LRATD1: variants seen among roughly 807,000 people sequenced by gnomAD.
The protein encoded by LRATD1 is protein LRATD1.
In LRATD1, 8 loss-of-function variants were observed where a neutral mutation model predicts 21.3. That is an observed-to-expected ratio of 0.38 (90% confidence interval 0.22 to 0.68). The LOEUF (loss-of-function observed/expected upper bound fraction) is 0.68, where lower values mean the gene tolerates loss of function less well. Ranked by LOEUF, LRATD1 falls within the 30% of genes least tolerant of loss-of-function variation. LRATD1 has a pLI of 0.54. For missense variants in LRATD1, 380 were observed against 404.0 expected, an observed-to-expected ratio of 0.94 and a Z score of 0.51; for synonymous variants, 210 against 186.2, an observed-to-expected ratio of 1.13 and a Z score of -1.04.
In LRATD1 at chr2:14,634,535, C is replaced by T. The variant is rs1190013834; in HGVS notation, c.556C>T (p.Pro186Ser). The stretch of plus-strand genomic sequence containing the variant: ...GGTGAATAGCTGGTACCGCTACCGC[C>T]CGCTGGTGGCCGAGCTGGTGGTGCA... ...RVVNSWYRYRPLVAELVVQNA... is the reference protein window; with the variant it reads ...RVVNSWYRYRSLVAELVVQNA... The change falls in exon 2 of 2, where the codon CCG becomes TCG. Residue 186 changes from proline to serine, a missense_variant. Transcript: ENST00000295092. The T allele has an allele frequency of 6.7e-6, 10 of 1,495,364 alleles. No homozygotes were observed. Among genetic ancestry groups the T allele is most frequent in the Non-Finnish European group, 8.9e-6 (10 of 1,122,824 alleles). 92.6% of individuals were successfully genotyped at this position (1,495,364 alleles called of 1,614,324 possible). A position where few individuals can be genotyped will look rare whatever the true frequency, so the allele number is the denominator to read the frequency against.
chr2:14,644,423 C>T (rs896203366), downstream of LRATD1, among the ~76,000 whole-genome samples: 3 of 152,156 alleles, frequency 2.0e-5, no homozygotes, highest in South Asian at 6.2e-4. Context: ...ATATAATAGA[C>T]TATCTTCTGT....
Position 14,636,286 on chromosome 2 carries a change from G to A in LRATD1, c.*1428G>A, listed in dbSNP as rs1671687284. 6.0e-6 allele frequency: 1 copy of A among 167,080 alleles called. No homozygotes were observed. Among genetic ancestry groups the A allele is most frequent in the African/African-American group, 2.4e-5 (1 of 41,442 alleles). 10.3% of individuals were successfully genotyped at this position (167,080 alleles called of 1,614,324 possible). A position where few individuals can be genotyped will look rare whatever the true frequency, so the allele number is the denominator to read the frequency against. On this transcript the variant is annotated 3_prime_UTR_variant, in exon 2 of 2. Transcript: ENST00000295092. ...TTCACTGCTTTGGTGGAAATTGGTG[G>A]AAATTGCTAGCAGGTTCCACGATGT...
downstream of LRATD1, among the ~76,000 whole-genome samples, chr2:14,644,790 C>T (rs1671867741): frequency 6.6e-6 from 1 of 152,040 alleles, no homozygotes; most frequent in Admixed American, 6.6e-5. Flanking sequence ...AAGACAGGTT[C>T]ATAGGCCAGT....
rs1225876823 is a variant in LRATD1 at position 14,637,856 on chromosome 2, G to A, written c.*2998G>A. 6.0e-6 allele frequency: 1 copy of A among 167,000 alleles called. No individual in the cohort carries two copies. The highest frequency in any genetic ancestry group is 1.5e-5 in the Non-Finnish European group (1 of 68,102). 10.3% of individuals were successfully genotyped at this position (167,000 alleles called of 1,614,324 possible). On this transcript the variant is annotated 3_prime_UTR_variant, in exon 2 of 2. Transcript: ENST00000295092. Reference sequence around the variant, plus strand: ...TTTACCAGAGTTACAGCAATTACCTGAAAAGTTTCCTAACATTTTAATAAT... The same window carrying A: ...TTTACCAGAGTTACAGCAATTACCTAAAAAGTTTCCTAACATTTTAATAAT...
chr2:14,648,145 C>A (rs775758328), intron 4 of LRATD1, among the ~76,000 whole-genome samples: 1 of 152,114 alleles, frequency 6.6e-6, no homozygotes, highest in Non-Finnish European at 1.5e-5. Flanking sequence ...TTTACTCAGA[C>A]TTTTAAAAGT....
At position 14,639,005 on chromosome 2, in the gene LRATD1, C is replaced by T. The variant is rs1401312086; in HGVS notation, c.*4147C>T. The T allele has an allele frequency of 6.0e-6, 1 of 166,502 alleles. No individual in the cohort carries two copies. 10.3% of individuals were successfully genotyped at this position (166,502 alleles called of 1,614,324 possible). A position where few individuals can be genotyped will look rare whatever the true frequency, so the allele number is the denominator to read the frequency against. Reference sequence around the variant, plus strand: ...ATACATACACACATATGTACATTTACACATATGTAAGTATACACTCATATA... The same window carrying T: ...ATACATACACACATATGTACATTTATACATATGTAAGTATACACTCATATA... On this transcript the variant is annotated 3_prime_UTR_variant, in exon 2 of 2. Transcript: ENST00000295092.
chr2:14,642,172 T>C (rs1671818166), downstream of LRATD1: 4 of 152,776 alleles, frequency 2.6e-5, no homozygotes, highest in South Asian at 8.3e-4. Context: ...GAGATTCTCC[T>C]TAAGAATCAT....
rs1671688279 is a variant in LRATD1 at position 14,636,328 on chromosome 2, G to A, written c.*1470G>A. 1 of 167,048 alleles carries A rather than the reference G, an allele frequency of 6.0e-6. No homozygotes were observed. The highest frequency in any genetic ancestry group is 6.5e-5 in the Admixed American group (1 of 15,278). The allele number at this position is 167,048 out of a possible 1,614,324, so 10.3% of individuals were successfully genotyped here. On this transcript the variant is annotated 3_prime_UTR_variant, in exon 2 of 2. Coordinates refer to ENST00000295092, the MANE Select transcript of LRATD1 (RefSeq NM_145175.4). Reference sequence around the variant, plus strand: ...CCACGATGTTTATTTTTTTCTCCATGTTGTATATCATTACCATTTCACATA... The same window carrying A: ...CCACGATGTTTATTTTTTTCTCCATATTGTATATCATTACCATTTCACATA...
chr2:14,633,014 G>A lies in LRATD1; in HGVS notation c.-37+77G>A, dbSNP rs1054664087. 2 of 152,386 alleles carry A rather than the reference G, an allele frequency of 1.3e-5. No individual in the cohort carries two copies. Among genetic ancestry groups the A allele is most frequent in the Admixed American group, 1.3e-4 (2 of 15,276 alleles). 9.4% of individuals were successfully genotyped at this position (152,386 alleles called of 1,614,324 possible). ...TGTTTGGATCCTGTGCTGGGTAGGA[G>A]GGAGAGGGGTCTTTGGGCTAAAAGT... On this transcript the variant is annotated intron_variant, in intron 1 of 1. Transcript: ENST00000295092. This position sits in a 1 kb window ranked among gnomAD's most constrained non-coding sequence, Gnocchi z 7.5.
chr2:14,634,673 G>A lies in LRATD1; in HGVS notation c.694G>A (p.Val232Met), dbSNP rs1275249934. The A allele has an allele frequency of 1.1e-5, 17 of 1,552,280 alleles. No individual in the cohort carries two copies. The Admixed American group carries it at 2.5e-4, about 23-fold the overall frequency. The change falls in exon 2 of 2, where the codon GTG (valine) becomes ATG (methionine). Residue 232 changes from valine (V) to methionine (M), a missense_variant. Val to Met is a conservative substitution (Grantham distance 21). Transcript: ENST00000295092. ...GCGGGAGTTCAAGGCGGGAGGGGAG[G>A]TGCCGGCAGGCACGCAGCCCCCGCA... ...GKREFKAGGE[V>M]PAGTQPPQQQ...
chr2:14,633,958 C>A lies in LRATD1; in HGVS notation c.-22C>A, dbSNP rs779640405. The A allele has an allele frequency of 5.0e-6, 8 of 1,599,670 alleles. No homozygotes were observed. The South Asian group carries it at 8.9e-5, about 18-fold the overall frequency. On this transcript the variant is annotated 5_prime_UTR_variant, in exon 2 of 2. Transcript: ENST00000295092. The surrounding 1 kb of genome is among the most constrained non-coding windows in gnomAD (Gnocchi z 7.5). Reference sequence around the variant, plus strand: ...TGCCTCCGCAGATCCCCGCTCCTGGCCCTCGCCTCGCCACCTCATTGATGG... The same window carrying A: ...TGCCTCCGCAGATCCCCGCTCCTGGACCTCGCCTCGCCACCTCATTGATGG...
chr2:14,635,189 T>A lies in LRATD1; in HGVS notation c.*331T>A, dbSNP rs1184475634. The A allele has an allele frequency of 5.2e-6, 3 of 582,168 alleles. No individual in the cohort carries two copies. Among genetic ancestry groups the A allele is most frequent in the Non-Finnish European group, 1.0e-5 (3 of 298,628 alleles). 36.1% of individuals were successfully genotyped at this position (582,168 alleles called of 1,614,324 possible). A position where few individuals can be genotyped will look rare whatever the true frequency, so the allele number is the denominator to read the frequency against. Reference sequence around the variant, plus strand: ...GGCTGAGGGGAGAAAGGACATGGCCTTCCCCGCGAGTCCATGGCCAGTGAC... The same window carrying A: ...GGCTGAGGGGAGAAAGGACATGGCCATCCCCGCGAGTCCATGGCCAGTGAC... On this transcript the variant is annotated 3_prime_UTR_variant, in exon 2 of 2. Transcript: ENST00000295092.
rs1429862476 is a variant in LRATD1, at chr2:14,634,194, A to G, written c.215A>G (p.His72Arg). Reference sequence around the variant, plus strand: ...TGCCCGGAGAGCCCCAGCCGCCACCACCACCACCTGCTGCACCAGCTGGTC... The same window carrying G: ...TGCCCGGAGAGCCCCAGCCGCCACCGCCACCACCTGCTGCACCAGCTGGTC... ...TPCPESPSRH[H>R]HHLLHQLVLN... The change falls in exon 2 of 2, where the codon CAC (histidine) becomes CGC (arginine). Residue 72 changes from histidine to arginine, a missense_variant. Transcript: ENST00000295092. 1 of 1,612,954 alleles carries G rather than the reference A, an allele frequency of 6.2e-7. No homozygotes were observed. The highest frequency in any genetic ancestry group is 2.2e-5 in the East Asian group (1 of 44,840).
downstream of LRATD1, among the ~76,000 whole-genome samples, chr2:14,642,721 TTTGA>T (rs1671827777): frequency 6.6e-6 from 1 of 152,158 alleles, no homozygotes; most frequent in African/African-American, 2.4e-5. Flanking sequence ...AACAGCCTCC[TTTGA>T]TTGACGGTTG....
rs1671754682 is a variant in LRATD1 at position 14,639,098 on chromosome 2, T to G, written c.*4240T>G. 1 of 137,222 alleles carries G rather than the reference T, an allele frequency of 7.3e-6. No homozygotes were observed. Among genetic ancestry groups the G allele is most frequent in the Non-Finnish European group, 1.6e-5 (1 of 61,900 alleles). 8.5% of individuals were successfully genotyped at this position (137,222 alleles called of 1,614,324 possible). A position where few individuals can be genotyped will look rare whatever the true frequency, so the allele number is the denominator to read the frequency against. ...TGCCTATAGCTAGCAATTATTTCATTCAGATACACACACACACACACACAC... is the reference window on the plus strand; with the variant it reads ...TGCCTATAGCTAGCAATTATTTCATGCAGATACACACACACACACACACAC... On this transcript the variant is annotated 3_prime_UTR_variant, in exon 2 of 2. Transcript: ENST00000295092.
chr2:14,641,476 C>A (rs189033305), downstream of LRATD1, among the ~76,000 whole-genome samples: 389 of 152,182 alleles, frequency 2.6e-3, 3 homozygotes, highest in Admixed American at 3.6e-3. Flanking sequence ...TGTTTTTTAT[C>A]CCACCTATTT....
rs1671666012 is a variant in LRATD1 at position 14,635,426 on chromosome 2, C to A, written c.*568C>A. 2.1e-6 allele frequency: 1 copy of A among 471,396 alleles called. No individual in the cohort carries two copies. 29.2% of individuals were successfully genotyped at this position (471,396 alleles called of 1,614,324 possible). A position where few individuals can be genotyped will look rare whatever the true frequency, so the allele number is the denominator to read the frequency against. On this transcript the variant is annotated 3_prime_UTR_variant, in exon 2 of 2. Coordinates refer to ENST00000295092, the MANE Select transcript of LRATD1 (RefSeq NM_145175.4). The stretch of plus-strand genomic sequence containing the variant: ...TCCCCAAGACAGCACTTCGGGATTC[C>A]GGGTTATCCTGAGGCTGCCCGGGAC...
intron 4 of LRATD1, among the ~76,000 whole-genome samples, chr2:14,646,844 A>T (rs1206107079): frequency 2.6e-5 from 4 of 152,226 alleles, no homozygotes; most frequent in African/African-American, 9.6e-5. Context: ...ACCCATGACC[A>T]TTCTCATTAA....
chr2:14,635,215 T>A lies in LRATD1; in HGVS notation c.*357T>A, dbSNP rs754607207. On this transcript the variant is annotated 3_prime_UTR_variant, in exon 2 of 2. Coordinates refer to ENST00000295092, the MANE Select transcript of LRATD1 (RefSeq NM_145175.4). ...TCCCCGCGAGTCCATGGCCAGTGAC[T>A]GTGGCCCGACTCGAAAACAACCCTC... The A allele has an allele frequency of 8.7e-6, 5 of 575,880 alleles. No homozygotes were observed. Among genetic ancestry groups the A allele is most frequent in the Non-Finnish European group, 1.7e-5 (5 of 294,708 alleles). The allele number at this position is 575,880 out of a possible 1,614,324, so 35.7% of individuals were successfully genotyped here.
Sources: allele counts gnomAD v4.1 joint callset (sites outside exome capture counted in the v4.1 genomes callset), GRCh38; gene constraint gnomAD v4.1.1; non-coding constraint Gnocchi (gnomAD v3.1); transcripts MANE v1.5; gene names NCBI Gene and HGNC (gene_info 2026-07-23, HGNC 2026-07-21).